Variants in MTUS2 observed in about 807,000 individuals in gnomAD.
MTUS2 encodes the protein microtubule-associated tumor suppressor candidate 2.
In MTUS2, 40 loss-of-function variants were observed where a neutral mutation model predicts 114.1. That is an observed-to-expected ratio of 0.35 (90% CI 0.27 to 0.46). The LOEUF is 0.46. MTUS2 is among the 20% of genes least tolerant of loss of function. The pLI is 1.00. For missense variants in MTUS2, 1,679 were observed against 1,705.4 expected (o/e 0.98, Z 0.27); for synonymous variants, 688 against 672.0 (o/e 1.02, Z -0.37).
At chr13:29,289,568 T>A (rs1198606299) in intron 6 of MTUS2, among the ~76,000 whole-genome samples, 1 of 151,516 alleles carries the variant, frequency 6.6e-6, no homozygotes, top group East Asian at 2.0e-4. Context: ...GTTCAAGTGA[T>A]TCTCCTGCCT....
At chr13:29,218,924 A>T (rs1375612020) in intron 5 of MTUS2, among the ~76,000 whole-genome samples, 2 of 151,276 alleles carry the variant, frequency 1.3e-5, no homozygotes, top group Non-Finnish European at 2.9e-5. Flanking sequence ...CATTGGCGTT[A>T]ACTTAAAGTT....
At chr13:29,443,325 G>A (rs1281854545) in intron 9 of MTUS2, among the ~76,000 whole-genome samples, 1 of 152,222 alleles carries the variant, frequency 6.6e-6, no homozygotes, top group Non-Finnish European at 1.5e-5. Context: ...TGGGGGCCCT[G>A]TGTCCCCTGA....
chr13:29,070,370 T>A (rs1296074202), intron 4 of MTUS2, among the ~76,000 whole-genome samples: 1 of 152,300 alleles, frequency 6.6e-6, no homozygotes, highest in East Asian at 1.9e-4. Flanking sequence ...TTGCAGAATG[T>A]TAATATTTTT....
At chr13:29,179,406 C>T (rs1231788261) in intron 5 of MTUS2, among the ~76,000 whole-genome samples, 1 of 152,160 alleles carries the variant, frequency 6.6e-6, no homozygotes, top group Non-Finnish European at 1.5e-5. Flanking sequence ...AGATCAATTT[C>T]TTGCCTACAT....
chr13:29,357,845 G>A (rs1297487823), intron 7 of MTUS2, among the ~76,000 whole-genome samples: 1 of 152,152 alleles, frequency 6.6e-6, no homozygotes, highest in Non-Finnish European at 1.5e-5. Flanking sequence ...AGGAGGAGAA[G>A]GAATTAATTA....
At chr13:29,183,216 A>G (rs186848149) in intron 5 of MTUS2, among the ~76,000 whole-genome samples, 2 of 152,196 alleles carry the variant, frequency 1.3e-5, no homozygotes, top group Non-Finnish European at 2.9e-5. Flanking sequence ...CTTTGGAGTC[A>G]GTGCCAACAG....
chr13:29,138,097 G>A (rs1892060357), intron 5 of MTUS2, among the ~76,000 whole-genome samples: 1 of 152,112 alleles, frequency 6.6e-6, no homozygotes, highest in South Asian at 2.1e-4. Flanking sequence ...GGAAGACAGA[G>A]TCCTTTTACT....
chr13:29,087,331 A>G (rs1244371374), intron 4 of MTUS2, among the ~76,000 whole-genome samples: 1 of 152,182 alleles, frequency 6.6e-6, no homozygotes, highest in Non-Finnish European at 1.5e-5. Flanking sequence ...AATTTTATTG[A>G]AAGCTTTTGC....
chr13:29,146,886 T>A (rs879221671), intron 5 of MTUS2, among the ~76,000 whole-genome samples: 1 of 152,218 alleles, frequency 6.6e-6, no homozygotes, highest in Non-Finnish European at 1.5e-5. Context: ...ACAGGATTTA[T>A]TAAGTGTGCA....
intron 6 of MTUS2, among the ~76,000 whole-genome samples, chr13:29,310,639 A>T (rs2139640449): frequency 6.6e-6 from 1 of 152,376 alleles, no homozygotes; most frequent in East Asian, 1.9e-4. Context: ...AGCATATTTA[A>T]ATAGTGCTGA....
At chr13:29,374,650 C>T (rs917203253) in intron 8 of MTUS2, among the ~76,000 whole-genome samples, 2 of 152,206 alleles carry the variant, frequency 1.3e-5, no homozygotes, top group Admixed American at 1.3e-4. Flanking sequence ...GTAATCCCAG[C>T]ACTTTGGGAG....
intron 5 of MTUS2, among the ~76,000 whole-genome samples, chr13:29,208,331 G>A (rs1593605189): frequency 6.6e-6 from 1 of 151,806 alleles, no homozygotes; most frequent in Middle Eastern, 3.4e-3. Flanking sequence ...TCTTTTCTTG[G>A]TTCCTCTTGC....
At chr13:29,413,169 A>G (rs1434988891) in intron 8 of MTUS2, among the ~76,000 whole-genome samples, 2 of 152,186 alleles carry the variant, frequency 1.3e-5, no homozygotes, top group African/African-American at 4.8e-5. Context: ...GCTATACAAC[A>G]TAACATACTT....
intron 2 of MTUS2, among the ~76,000 whole-genome samples, chr13:28,848,634 TAGA>T (rs1876042133): frequency 6.6e-6 from 1 of 152,046 alleles, no homozygotes; most frequent in African/African-American, 2.4e-5. Context: ...AAAATTAACT[TAGA>T]AGAGTCTTTC....
intron 2 of MTUS2, among the ~76,000 whole-genome samples, chr13:28,990,391 T>G (rs1020454701): frequency 6.6e-6 from 1 of 152,226 alleles, no homozygotes; most frequent in African/African-American, 2.4e-5. Flanking sequence ...CTGGGTGTAG[T>G]GGGGGCATGA....
At chr13:28,854,151 C>G (rs1308939198) in intron 2 of MTUS2, among the ~76,000 whole-genome samples, 1 of 152,140 alleles carries the variant, frequency 6.6e-6, no homozygotes, top group Admixed American at 6.5e-5. Context: ...TCAAGACTTA[C>G]CCTAGACCTC....
At chr13:29,029,574 G>A (rs1254030899) in intron 3 of MTUS2, among the ~76,000 whole-genome samples, 1 of 152,198 alleles carries the variant, frequency 6.6e-6, no homozygotes, top group African/African-American at 2.4e-5. Context: ...CAGTCCATTT[G>A]TGTTGCTATG....
chr13:28,950,340 G>T (rs993120856), intron 2 of MTUS2, among the ~76,000 whole-genome samples: 5 of 152,096 alleles, frequency 3.3e-5, no homozygotes, highest in African/African-American at 4.8e-5. Context: ...AAGGGCATTC[G>T]GGTATTAATC....
chr13:29,410,736 T>C (rs924222535), intron 8 of MTUS2, among the ~76,000 whole-genome samples: 14 of 152,202 alleles, frequency 9.2e-5, no homozygotes, highest in Non-Finnish European at 2.1e-4. Context: ...TATAAAAAAA[T>C]TATATAGTCA....
Sources: gnomAD v4.1 joint callset for allele counts (sites outside exome capture counted in the v4.1 genomes callset) on GRCh38, gnomAD v4.1.1 for gene constraint, MANE v1.5 for transcripts, NCBI Gene and HGNC (gene_info 2026-07-23, HGNC 2026-07-21) for gene names.